The following CD300LG variants were observed in gnomAD, a reference collection of about 807,000 sequenced individuals.
CD300LG encodes CD300 molecule like family member g, also known as CMRF35-like molecule 9.
CD300LG carries 29 observed loss-of-function variants against 31.5 expected under a neutral mutation model. The observed-to-expected ratio is 0.92, with a 90% CI of 0.68 to 1.25. The LOEUF (loss-of-function observed/expected upper bound fraction) is 1.25. Ranked by LOEUF, CD300LG falls within the 50% of genes most tolerant of loss-of-function variation. CD300LG has a pLI of 0.00. For missense variants in CD300LG, 396 were observed against 417.6 expected (o/e 0.95, Z 0.45); for synonymous variants, 175 against 177.2 (o/e 0.99, Z 0.10).
chr17:43,858,095 G>A (rs997096020), intron 6 of CD300LG: 18 of 1,383,528 alleles, frequency 1.3e-5, no homozygotes, highest in Middle Eastern at 2.7e-4. Flanking sequence ...TTAAACACAA[G>A]GGCAGGAAAG....
chr17:43,857,306 G>GTGTA (rs1398580734), intron 6 of CD300LG, 150 bp downstream of exon 6: 2 of 1,450,096 alleles, frequency 1.4e-6, no homozygotes, highest in African/African-American at 2.8e-5. Flanking sequence ...GAATGTGTGT[G>GTGTA]AGCCCCAAGA....
chr17:43,861,340 GC>G (rs2046649808), intron 6 of CD300LG: 1 of 956,436 alleles, frequency 1.0e-6, no homozygotes, highest in South Asian at 4.8e-5. Flanking sequence ...GTGGAAGGAG[GC>G]CTTTTCCTCA....
At position 43,848,680 on chromosome 17, in the gene CD300LG, A is replaced by C. The variant is rs2046256428; in HGVS notation, c.166A>C (p.Ile56Leu). ...GAAGTACTGGTGCAGGAAGGGTGGG[A>C]TCCTCTTCTCTCGCTGCTCTGGCAC... ...HRKYWCRKGG[I>L]LFSRCSGTIY... Residue 56 changes from isoleucine (I) to leucine (L), a missense_variant, in exon 2 of 7, where the codon ATC becomes CTC. By Grantham distance (5) the Ile-to-Leu change is conservative (BLOSUM62 2). Coordinates refer to ENST00000317310, the MANE Select transcript of CD300LG (RefSeq NM_145273.4). 1.2e-6 allele frequency: 2 copies of C among 1,614,086 alleles called. No homozygotes were observed. Among genetic ancestry groups the C allele is most frequent in the Non-Finnish European group, 1.7e-6 (2 of 1,180,004 alleles).
intron 5 of CD300LG, among the ~76,000 whole-genome samples, chr17:43,856,060 G>A (rs114288126): frequency 1.4e-4 from 22 of 152,242 alleles, no homozygotes; most frequent in African/African-American, 5.3e-4. Flanking sequence ...TCCTGCCTCA[G>A]CCTCCCGAGT....
At chr17:43,859,130 G>A (rs965961745) in intron 6 of CD300LG, among the ~76,000 whole-genome samples, 4 of 152,238 alleles carry the variant, frequency 2.6e-5, no homozygotes, top group East Asian at 1.9e-4. Flanking sequence ...AGCCCTCTGC[G>A]TCCTCCACCC....
intron 5 of CD300LG, chr17:43,855,752 G>A (rs2046503043): frequency 6.5e-6 from 1 of 153,774 alleles, no homozygotes. Flanking sequence ...TCAAATCCCA[G>A]CTCTGCCACT....
chr17:43,856,032 C>G (rs955668917), intron 5 of CD300LG, among the ~76,000 whole-genome samples: 11 of 152,166 alleles, frequency 7.2e-5, no homozygotes, highest in African/African-American at 2.7e-4. Flanking sequence ...GCCTTGAACT[C>G]CATGGCTCAA....
At chr17:43,854,700 C>G (rs561823231) in intron 4 of CD300LG, among the ~76,000 whole-genome samples, 5 of 152,242 alleles carry the variant, frequency 3.3e-5, no homozygotes, top group African/African-American at 1.2e-4. Context: ...GGGAACTTCC[C>G]CACACACCAC....
At chr17:43,860,580 C>G (rs1036692569) in intron 6 of CD300LG, among the ~76,000 whole-genome samples, 2 of 152,214 alleles carry the variant, frequency 1.3e-5, no homozygotes, top group African/African-American at 4.8e-5. Flanking sequence ...AGGCCCGGGT[C>G]AGAATATGGG....
intron 6 of CD300LG, chr17:43,857,716 TG>T: frequency 6.9e-7 from 1 of 1,452,236 alleles, no homozygotes; most frequent in Non-Finnish European, 9.4e-7. Context: ...GTCTTGCCCA[TG>T]GTCACACAGC....
chr17:43,857,382 C>T (rs2046554136), intron 6 of CD300LG: 2 of 1,533,440 alleles, frequency 1.3e-6, no homozygotes, highest in East Asian at 2.4e-5. Flanking sequence ...AACCTGATTT[C>T]CCGCCAGGTG....
chr17:43,853,731 G>C lies in CD300LG; in HGVS notation c.482-76G>C, dbSNP rs968010374. ...GTCCCAGGGAGGCTAGGGTTCAGGG[G>C]TCCAGGGTCAGAAGTCAGGGATGCT... On this transcript the variant is annotated intron_variant, in intron 3 of 6. Coordinates refer to ENST00000317310, the MANE Select transcript of CD300LG (RefSeq NM_145273.4). 4.8e-6 allele frequency: 6 copies of C among 1,241,680 alleles called. No individual in the cohort carries two copies. In the East Asian group the frequency reaches 1.4e-4, roughly 29 times the overall value. 76.9% of individuals were successfully genotyped at this position (1,241,680 alleles called of 1,614,324 possible).
At chr17:43,852,199 G>A (rs944622152) in intron 2 of CD300LG, among the ~76,000 whole-genome samples, 8 of 150,670 alleles carry the variant, frequency 5.3e-5, no homozygotes, top group African/African-American at 1.9e-4. Context: ...CCTGAGTTTT[G>A]TTCTTTGCTT....
intron 1 of CD300LG, 58 bp from the exon 2 acceptor site, chr17:43,848,500 C>G: frequency 1.4e-6 from 2 of 1,405,454 alleles, no homozygotes; most frequent in Non-Finnish European, 9.9e-7. Flanking sequence ...AAGCTCTGGC[C>G]TTGACCTTGG....
chr17:43,856,104 A>G (rs2046513089), intron 5 of CD300LG, among the ~76,000 whole-genome samples: 3 of 152,236 alleles, frequency 2.0e-5, no homozygotes, highest in South Asian at 2.1e-4. Flanking sequence ...ACTACGCCCA[A>G]TCTAGTGAAG....
Position 43,849,026 on chromosome 17 carries a change from G to C in CD300LG, c.379+133G>C, listed in dbSNP as rs531869572. 1.2e-5 allele frequency: 10 copies of C among 812,306 alleles called. No homozygotes were observed. The East Asian group carries it at 2.4e-4, about 20-fold the overall frequency. 50.3% of individuals were successfully genotyped at this position (812,306 alleles called of 1,614,324 possible). ...AGGGAGATCATGCAGGTCAAGCACC[G>C]AGCAAGGCTTGGGGCACAGAAGGAG... On this transcript the variant is annotated intron_variant, in intron 2 of 6. Transcript: ENST00000317310.
intron 6 of CD300LG, chr17:43,861,284 G>A (rs2046648420): frequency 2.0e-6 from 2 of 985,198 alleles, no homozygotes; most frequent in Non-Finnish European, 2.4e-6. Context: ...GGAAGGGAGG[G>A]GCTGAGGAGC....
intron 2 of CD300LG, among the ~76,000 whole-genome samples, chr17:43,852,206 G>C (rs1406274185): frequency 6.7e-6 from 1 of 150,340 alleles, no homozygotes; most frequent in Non-Finnish European, 1.5e-5. Flanking sequence ...TTTGTTCTTT[G>C]CTTTTTTTTT....
At chr17:43,850,379 A>G (rs995700854) in intron 2 of CD300LG, among the ~76,000 whole-genome samples, 3 of 152,240 alleles carry the variant, frequency 2.0e-5, no homozygotes, top group African/African-American at 7.2e-5. Flanking sequence ...GAACCATGAG[A>G]AGAATTTCTA....
Sources: allele counts gnomAD v4.1 joint callset (sites outside exome capture counted in the v4.1 genomes callset), GRCh38; gene constraint gnomAD v4.1.1; transcripts MANE v1.5; gene names NCBI Gene and HGNC (gene_info 2026-07-23, HGNC 2026-07-21).